SHISA6: variants seen among roughly 807,000 people sequenced by gnomAD.
The protein encoded by SHISA6 is shisa family member 6.
A neutral mutation model predicts 47.9 loss-of-function variants in SHISA6; 22 were observed. The ratio of observed to expected loss-of-function variants is 0.46; its 90% CI spans 0.33 to 0.66. The LOEUF (loss-of-function observed/expected upper bound fraction) is 0.66, where lower values mean the gene tolerates loss of function less well. Among genes scored for constraint, SHISA6 ranks in the 30% least tolerant of loss-of-function variants. The pLI, the probability that SHISA6 is intolerant of heterozygous loss-of-function variation, is 0.02. For missense variants in SHISA6, 680 were observed against 764.6 expected (o/e 0.89, Z 1.30); for synonymous variants, 388 against 337.8 (o/e 1.15, Z -1.63).
At chr17:11,358,627 G>T (rs1299326197) in intron 2 of SHISA6, among the ~76,000 whole-genome samples, 6 of 150,488 alleles carry the variant, frequency 4.0e-5, no homozygotes, top group Non-Finnish European at 7.4e-5. Context: ...CCAAAGTGCT[G>T]GGATTACAGA....
At chr17:11,514,268 A>C (rs1037079101) in intron 3 of SHISA6, among the ~76,000 whole-genome samples, 1 of 152,092 alleles carries the variant, frequency 6.6e-6, no homozygotes, top group African/African-American at 2.4e-5. Flanking sequence ...TTAATGTTTA[A>C]ATTTTTGTTT....
intron 3 of SHISA6, among the ~76,000 whole-genome samples, chr17:11,388,809 TATATATATATATATATATATATATA>T (rs1270192389): frequency 1.1e-5 from 1 of 88,218 alleles, no homozygotes; most frequent in African/African-American, 5.0e-5. Context: ...TATATATATA[TATATATATATATATATATATATATA>T]TATATATTTT....
At chr17:11,335,467 A>G (rs1002351090) in intron 2 of SHISA6, among the ~76,000 whole-genome samples, 1 of 152,180 alleles carries the variant, frequency 6.6e-6, no homozygotes, top group Non-Finnish European at 1.5e-5. Flanking sequence ...GCAGGAAGAG[A>G]GGAATGAATT....
At chr17:11,380,663 T>C (rs1192835172) in intron 3 of SHISA6, among the ~76,000 whole-genome samples, 1 of 152,196 alleles carries the variant, frequency 6.6e-6, no homozygotes, top group African/African-American at 2.4e-5. Context: ...CTCTCAAACT[T>C]AGCGTTTTAA....
rs773781584 is a variant in SHISA6 at position 11,379,548 on chromosome 17, G to T, written c.895+39G>T. ...CATTTTTTACTAAAATACAGAGGTT[G>T]CCTAGGGAACGCCATCTGAAATGAG... On this transcript the variant is annotated intron_variant, in intron 3 of 5. Coordinates refer to ENST00000441885, the MANE Select transcript of SHISA6 (RefSeq NM_207386.4). 10 of 1,411,006 alleles carry T rather than the reference G, an allele frequency of 7.1e-6. No homozygotes were observed. In the African/African-American group the frequency reaches 1.3e-4, roughly 18 times the overall value. The allele number at this position is 1,411,006 out of a possible 1,614,324, so 87.4% of individuals were successfully genotyped here.
At chr17:11,352,139 G>C (rs1911911063) in intron 2 of SHISA6, among the ~76,000 whole-genome samples, 1 of 152,100 alleles carries the variant, frequency 6.6e-6, no homozygotes, top group Admixed American at 6.5e-5. Flanking sequence ...ACATTAATAA[G>C]GGAAGGAGGA....
At chr17:11,314,327 C>G (rs1044521559) in intron 2 of SHISA6, among the ~76,000 whole-genome samples, 1 of 151,766 alleles carries the variant, frequency 6.6e-6, no homozygotes, top group Non-Finnish European at 1.5e-5. Context: ...AAGAGCTTCC[C>G]CTCTGCAAAT....
intron 2 of SHISA6, among the ~76,000 whole-genome samples, chr17:11,328,031 C>A (rs908440069): frequency 6.6e-6 from 1 of 152,040 alleles, no homozygotes; most frequent in Admixed American, 6.6e-5. Context: ...AATTCATTCA[C>A]TTTTTTGTGA....
intron 2 of SHISA6, among the ~76,000 whole-genome samples, chr17:11,325,234 A>G (rs541401230): frequency 1.3e-5 from 2 of 152,336 alleles, no homozygotes; most frequent in South Asian, 4.1e-4. Context: ...GTTTCAGTTC[A>G]TCAGGCTGAA....
At chr17:11,322,514 T>G (rs1230161714) in intron 2 of SHISA6, among the ~76,000 whole-genome samples, 2 of 152,202 alleles carry the variant, frequency 1.3e-5, no homozygotes, top group African/African-American at 4.8e-5. Flanking sequence ...GATTTTTCTC[T>G]TAAAATAATC....
chr17:11,324,170 T>C (rs1910801001), intron 2 of SHISA6, among the ~76,000 whole-genome samples: 1 of 152,146 alleles, frequency 6.6e-6, no homozygotes, highest in African/African-American at 2.4e-5. Flanking sequence ...TGGTGCCGCG[T>C]TTTCATCTTA....
At chr17:11,506,486 T>C (rs548360422) in intron 3 of SHISA6, among the ~76,000 whole-genome samples, 40 of 152,286 alleles carry the variant, frequency 2.6e-4, no homozygotes, top group Admixed American at 4.6e-4. Context: ...TTGTTTGCCC[T>C]AACCCCACAA....
chr17:11,318,505 T>C (rs7217870), intron 2 of SHISA6, among the ~76,000 whole-genome samples: 111,845 of 152,030 alleles, frequency 0.74, 41,320 homozygotes, highest in Middle Eastern at 0.77. Flanking sequence ...AATGTGAGCC[T>C]GTCCCCTGCT....
In SHISA6 at chr17:11,263,454, A is replaced by C; in HGVS notation, c.727A>C (p.Lys243Gln). ...TATCTCGGCTATCGATACCTCTCCC[A>C]AAGAGAACACGCCGGTCAGATCGTC... is the stretch of plus-strand genomic sequence containing the variant. ...ETISAIDTSP[K>Q]ENTPVRSSSK... Residue 243 changes from lysine to glutamine, a missense_variant, in exon 2 of 6, where the codon AAA becomes CAA. Physicochemically the swap from Lys to Gln is moderately conservative, Grantham distance 53. Around this residue, in one of 2 missense-constraint regions of SHISA6, gnomAD observed 559 missense variants for 674.1 expected, o/e 0.83. Coordinates refer to ENST00000441885, the MANE Select transcript of SHISA6 (RefSeq NM_207386.4). The C allele has an allele frequency of 6.4e-7, 1 of 1,551,844 alleles. No homozygotes were observed. Among genetic ancestry groups the C allele is most frequent in the Non-Finnish European group, 8.7e-7 (1 of 1,147,044 alleles).
chr17:11,376,169 T>G (rs1912791699), intron 2 of SHISA6, among the ~76,000 whole-genome samples: 2 of 152,194 alleles, frequency 1.3e-5, no homozygotes, highest in South Asian at 4.1e-4. Context: ...GGGGTGGTTC[T>G]TTGTGTTACA....
At chr17:11,555,713 A>G in intron 4 of SHISA6, 27 bp from the exon 5 acceptor site, 1 of 1,509,098 alleles carries the variant, frequency 6.6e-7, no homozygotes, top group Non-Finnish European at 8.9e-7. Context: ...CCTCATTAAT[A>G]CAAAACACCC....
chr17:11,475,411 T>C (rs1194904478), intron 3 of SHISA6, among the ~76,000 whole-genome samples: 1 of 152,136 alleles, frequency 6.6e-6, no homozygotes, highest in African/African-American at 2.4e-5. Context: ...ATGTTAGCTA[T>C]AGGTTTTTTG....
At chr17:11,267,990 G>A (rs965691073) in intron 2 of SHISA6, among the ~76,000 whole-genome samples, 3 of 152,138 alleles carry the variant, frequency 2.0e-5, no homozygotes, top group Non-Finnish European at 4.4e-5. Context: ...TCGTAGATGG[G>A]GAGCAGGAGA....
At chr17:11,374,084 G>C (rs563581297) in intron 2 of SHISA6, among the ~76,000 whole-genome samples, 1 of 152,280 alleles carries the variant, frequency 6.6e-6, no homozygotes, top group South Asian at 2.1e-4. Flanking sequence ...ATTTTTGCTA[G>C]TCTATTGAGT....
Sources: gnomAD v4.1 joint callset for allele counts (sites outside exome capture counted in the v4.1 genomes callset) on GRCh38, gnomAD v4.1.1 for gene constraint, gnomAD v4.1.1 regional missense constraint, MANE v1.5 for transcripts, NCBI Gene and HGNC (gene_info 2026-07-23, HGNC 2026-07-21) for gene names.